The following ELMO1 variants were observed in gnomAD, a reference collection of about 807,000 sequenced individuals.
ELMO1 encodes engulfment and cell motility 1, also known as engulfment and cell motility protein 1.
A neutral mutation model predicts 98.9 loss-of-function variants in ELMO1; 26 were observed. The observed-to-expected ratio is 0.26, with a 90% CI of 0.19 to 0.36. The LOEUF (loss-of-function observed/expected upper bound fraction) is 0.36. Among genes scored for constraint, ELMO1 ranks in the 10% least tolerant of loss-of-function variants. ELMO1 has a pLI of 1.00. For missense variants in ELMO1, 627 were observed against 935.2 expected, an observed-to-expected ratio of 0.67 and a Z score of 4.30; for synonymous variants, 346 against 346.0, an observed-to-expected ratio of 1.00 and a Z score of 0.00.
At chr7:37,340,684 C>T (rs1187417140) in intron 2 of ELMO1, among the ~76,000 whole-genome samples, 6 of 152,152 alleles carry the variant, frequency 3.9e-5, no homozygotes, top group Non-Finnish European at 8.8e-5. Context: ...TAAGCATATA[C>T]AATCTTTGTA....
At chr7:37,369,944 T>C (rs1372982532) in intron 1 of ELMO1, among the ~76,000 whole-genome samples, 1 of 152,180 alleles carries the variant, frequency 6.6e-6, no homozygotes, top group Non-Finnish European at 1.5e-5. Context: ...GCACCAGGAC[T>C]GGCTCTCTCT....
In ELMO1 at chr7:37,342,280, T is replaced by C. The variant is rs1363894477; in HGVS notation, c.78+333A>G. 1.3e-5 allele frequency among the ~76,000 whole-genome samples: 2 copies of C among 152,234 alleles called. No individual in the cohort carries two copies. The highest frequency in any genetic ancestry group is 4.8e-5 in the African/African-American group (2 of 41,464). The stretch of plus-strand genomic sequence containing the variant: ...TTGTCTTGCCTGTGTTCCAACAATC[T>C]GCACATATCCATGTGTCATGGCAAG... On this transcript the variant is annotated intron_variant, in intron 2 of 21. Coordinates refer to ENST00000310758, the MANE Select transcript of ELMO1 (RefSeq NM_014800.11). This position sits in a 1 kb window ranked among gnomAD's most constrained non-coding sequence, Gnocchi z 4.3.
chr7:36,944,873 T>TA, intron 16 of ELMO1, among the ~76,000 whole-genome samples: 1 of 152,264 alleles, frequency 6.6e-6, no homozygotes, highest in African/African-American at 2.4e-5. Context: ...GAATTAGAGC[T>TA]AGAAGGGGCT....
intron 17 of ELMO1, among the ~76,000 whole-genome samples, chr7:36,893,173 T>G (rs577153124): frequency 6.6e-5 from 10 of 152,354 alleles, no homozygotes; most frequent in South Asian, 6.2e-4. Context: ...TAAGACTTAT[T>G]ATGGAAAGCA....
rs1174740872 is a variant in ELMO1, at chr7:37,291,995, C to G, written c.193-20113G>C. Among the ~76,000 whole-genome samples the G allele has an allele frequency of 4.3e-5, 5 of 115,162 alleles. No homozygotes were observed. In the East Asian group the frequency reaches 1.1e-3, roughly 26 times the overall value. The allele number at this position is 115,162 out of a possible 152,430, so 75.6% of individuals were successfully genotyped here. On this transcript the variant is annotated intron_variant, in intron 4 of 21. Transcript: ENST00000310758. ...TCTTTCCACGGTCTCCCTCTGATGC[C>G]GAGCCGAAGCTGGACGGTACTGCTG... is the stretch of plus-strand genomic sequence containing the variant.
chr7:36,999,752 A>G (rs1402663490), intron 16 of ELMO1, among the ~76,000 whole-genome samples: 1 of 152,158 alleles, frequency 6.6e-6, no homozygotes, highest in Non-Finnish European at 1.5e-5. Context: ...TGGCAGTTGC[A>G]TATGGCTCCA....
Position 37,023,264 on chromosome 7 carries a change from C to T in ELMO1, c.1301-9829G>A, listed in dbSNP as rs534460395. Among the ~76,000 whole-genome samples, 8 of 152,250 alleles carry T rather than the reference C, an allele frequency of 5.3e-5. No individual in the cohort carries two copies. The South Asian group carries it at 1.5e-3, about 28-fold the overall frequency. ...TTTGAACACCTCTATGTAAGTTACACTTTTTATGAAAAGTTAACTTAAAAA... is the reference window on the plus strand; with the variant it reads ...TTTGAACACCTCTATGTAAGTTACATTTTTTATGAAAAGTTAACTTAAAAA... On this transcript the variant is annotated intron_variant, in intron 15 of 21. Coordinates refer to ENST00000310758, the MANE Select transcript of ELMO1 (RefSeq NM_014800.11).
At chr7:37,355,097 C>G (rs145199258) in intron 1 of ELMO1, among the ~76,000 whole-genome samples, 144 of 152,286 alleles carry the variant, frequency 9.5e-4, no homozygotes, top group Middle Eastern at 3.4e-3. Context: ...TTTCTCCCGG[C>G]CTGACGTCCT....
intron 14 of ELMO1, among the ~76,000 whole-genome samples, chr7:37,105,874 T>A (rs1584652200): frequency 6.6e-6 from 1 of 152,048 alleles, no homozygotes; most frequent in Admixed American, 6.5e-5. Flanking sequence ...GGCTGAGAAG[T>A]GAGAATGGGG....
chr7:37,238,302 T>C (rs908371750), intron 7 of ELMO1, among the ~76,000 whole-genome samples: 1 of 152,228 alleles, frequency 6.6e-6, no homozygotes, highest in African/African-American at 2.4e-5. Context: ...TAAAGATTTA[T>C]TTCTACAAAT....
intron 1 of ELMO1, among the ~76,000 whole-genome samples, chr7:37,408,790 T>A (rs1803880410): frequency 6.6e-6 from 1 of 152,096 alleles, no homozygotes; most frequent in African/African-American, 2.4e-5. Context: ...TTTCAGTGGG[T>A]ATAGATTTCC....
At chr7:37,343,708 T>C (rs1800840673) in intron 1 of ELMO1, among the ~76,000 whole-genome samples, 1 of 151,774 alleles carries the variant, frequency 6.6e-6, no homozygotes. Flanking sequence ...TCTTGAACTC[T>C]GGGTAATCTG....
intron 15 of ELMO1, among the ~76,000 whole-genome samples, chr7:37,087,846 T>C (rs959278007): frequency 3.9e-5 from 6 of 152,172 alleles, no homozygotes; most frequent in Non-Finnish European, 8.8e-5. Context: ...GAAAAGGGTA[T>C]GTATTAATAA....
In ELMO1 at chr7:37,401,523, C is replaced by G. The variant is rs575234014; in HGVS notation, c.-74+47152G>C. On this transcript the variant is annotated intron_variant, in intron 1 of 21. Transcript: ENST00000310758. ...AAGACTGGGTAATTTATAAAGGAAA[C>G]AAGTTTAATTGACTTACAGTTCAGC... 3.3e-5 allele frequency among the ~76,000 whole-genome samples: 5 copies of G among 152,272 alleles called. No homozygotes were observed. In the South Asian group the frequency reaches 1.0e-3, roughly 32 times the overall value.
chr7:37,232,982 C>A (rs1202470546), intron 8 of ELMO1, 113 bp downstream of exon 8: 17 of 922,238 alleles, frequency 1.8e-5, no homozygotes, highest in East Asian at 2.7e-5. Context: ...TCATACCCAT[C>A]TTTTAATATA....
chr7:37,413,783 T>C (rs1296327518), intron 1 of ELMO1, among the ~76,000 whole-genome samples: 7 of 152,148 alleles, frequency 4.6e-5, no homozygotes, highest in African/African-American at 1.7e-4. Context: ...GTTCAAGCAA[T>C]TCTTGTGCCT....
chr7:37,227,671 C>T (rs763529822), intron 8 of ELMO1, among the ~76,000 whole-genome samples: 3 of 152,106 alleles, frequency 2.0e-5, no homozygotes, highest in Non-Finnish European at 2.9e-5. Context: ...CAGGCATGAG[C>T]CACGGTACCC....
intron 1 of ELMO1, among the ~76,000 whole-genome samples, chr7:37,406,781 T>C (rs551374575): frequency 4.3e-4 from 65 of 152,232 alleles, no homozygotes; most frequent in Non-Finnish European, 8.4e-4. Context: ...ATCTTTAAAA[T>C]ATAGCATTAG....
rs989315117 is a variant in ELMO1 at position 36,956,851 on chromosome 7, A to T, written c.1437+56448T>A. On this transcript the variant is annotated intron_variant, in intron 16 of 21. Transcript: ENST00000310758. ...GATTACAACGCCGGAAAAAATGGCAAGAAATCATGAGCCAAGGAAAGCACG... is the reference window on the plus strand; with the variant it reads ...GATTACAACGCCGGAAAAAATGGCATGAAATCATGAGCCAAGGAAAGCACG... Among the ~76,000 whole-genome samples the T allele has an allele frequency of 7.2e-5, 11 of 152,370 alleles. No individual in the cohort carries two copies. The East Asian group carries it at 2.1e-3, about 29-fold the overall frequency.
Sources: gnomAD v4.1 joint callset for allele counts (sites outside exome capture counted in the v4.1 genomes callset) on GRCh38, gnomAD v4.1.1 for gene constraint, Gnocchi (gnomAD v3.1) non-coding constraint, MANE v1.5 for transcripts, NCBI Gene and HGNC (gene_info 2026-07-23, HGNC 2026-07-21) for gene names.